The following MFSD8 variants were observed in gnomAD, a reference collection of about 807,000 sequenced individuals.
MFSD8 encodes the protein major facilitator superfamily domain containing 8.
Under a neutral mutation model 66.4 loss-of-function variants are expected in MFSD8, and 55 were observed. The observed-to-expected ratio is 0.83, with a 90% CI of 0.67 to 1.04. MFSD8 has a LOEUF of 1.04. Ranked by LOEUF, MFSD8 falls within the 50% of genes least tolerant of loss-of-function variation. MFSD8 has a pLI of 0.00. For synonymous variants in MFSD8, 202 were observed against 212.8 expected, an observed-to-expected ratio of 0.95 and a Z score of 0.44; for missense variants, 550 against 627.6, an observed-to-expected ratio of 0.88 and a Z score of 1.32.
Position 127,943,994 on chromosome 4 carries a change from T to G in MFSD8, c.199-2A>C. On this transcript the variant is annotated splice_acceptor_variant, in intron 3 of 11. Transcript: ENST00000641686. LOFTEE classifies it high-confidence loss of function. Reference sequence around the variant, plus strand: ...ACTTGTATCAGCTGTCGGATCAATCTGCAGAAAAAGGTACAGTGCTTTAAG... The same window carrying G: ...ACTTGTATCAGCTGTCGGATCAATCGGCAGAAAAAGGTACAGTGCTTTAAG... 3 of 1,614,170 alleles carry G rather than the reference T, an allele frequency of 1.9e-6. No homozygotes were observed. Among genetic ancestry groups the G allele is most frequent in the Non-Finnish European group, 2.5e-6 (3 of 1,180,022 alleles).
chr4:127,950,279 A>G (rs1741726089), intron 2 of MFSD8, among the ~76,000 whole-genome samples: 1 of 152,248 alleles, frequency 6.6e-6, no homozygotes, highest in African/African-American at 2.4e-5. Flanking sequence ...CAGGGGGGCT[A>G]TAGAAAACCA....
At chr4:127,923,551 A>ATTT (rs1251910972) in intron 9 of MFSD8, among the ~76,000 whole-genome samples, 237 of 100,272 alleles carry the variant, frequency 2.4e-3, no homozygotes, top group African/African-American at 6.9e-3. Context: ...TTTTATTTTT[A>ATTT]TTTATTATTA....
intron 8 of MFSD8, 150 bp from the exon 9 acceptor site, chr4:127,930,967 C>T (rs1738024680): frequency 1.0e-5 from 7 of 697,316 alleles, no homozygotes; most frequent in Non-Finnish European, 1.6e-5. Context: ...AGTTTGAACA[C>T]ATTTTAAGCG....
chr4:127,927,199 T>C (rs913086054), intron 9 of MFSD8, among the ~76,000 whole-genome samples: 5 of 152,166 alleles, frequency 3.3e-5, no homozygotes, highest in African/African-American at 1.2e-4. Flanking sequence ...TTTTTCGCTT[T>C]TTTTGAGATG....
In MFSD8 at chr4:127,920,058, G is replaced by A. The variant is rs1045101191; in HGVS notation, c.*572C>T. 6.2e-6 allele frequency: 1 copy of A among 160,716 alleles called. No individual in the cohort carries two copies. Among genetic ancestry groups the A allele is most frequent in the African/African-American group, 2.4e-5 (1 of 41,470 alleles). 10.0% of individuals were successfully genotyped at this position (160,716 alleles called of 1,614,324 possible). A position where few individuals can be genotyped will look rare whatever the true frequency, so the allele number is the denominator to read the frequency against. On this transcript the variant is annotated 3_prime_UTR_variant, in exon 12 of 12. Transcript: ENST00000641686. ...AAAATAAGGCAGAGGTGTAGTATTA[G>A]AAGAAAGACTCATAGAAGGCAAGGT...
intron 6 of MFSD8, chr4:127,939,479 A>C (rs1278441170): frequency 5.8e-6 from 1 of 173,768 alleles, no homozygotes; most frequent in Non-Finnish European, 1.2e-5. Context: ...GTTGGCATGC[A>C]CCTGTAGCCC....
At chr4:127,925,635 T>C (rs1737075974) in intron 9 of MFSD8, among the ~76,000 whole-genome samples, 1 of 152,328 alleles carries the variant, frequency 6.6e-6, no homozygotes, top group Middle Eastern at 3.4e-3. Flanking sequence ...CTTTACACTG[T>C]TGGTGGGAGT....
At chr4:127,929,044 G>A (rs1013206490) in intron 9 of MFSD8, among the ~76,000 whole-genome samples, 5 of 151,920 alleles carry the variant, frequency 3.3e-5, no homozygotes, top group African/African-American at 7.3e-5. Context: ...ATCTCAGGTC[G>A]GCAGCGGTGG....
chr4:127,965,005 C>T, intron 1 of MFSD8, 67 bp downstream of exon 1: 15 of 1,569,396 alleles, frequency 9.6e-6, no homozygotes, highest in Non-Finnish European at 1.3e-5. Flanking sequence ...GTGCGGGTGA[C>T]GCCCGGAAAG....
intron 1 of MFSD8, among the ~76,000 whole-genome samples, chr4:127,964,226 C>T (rs1349534401): frequency 6.6e-6 from 1 of 152,270 alleles, no homozygotes; most frequent in East Asian, 1.9e-4. Flanking sequence ...CAGTCCCGCG[C>T]CGTGCACCCG....
intron 2 of MFSD8, among the ~76,000 whole-genome samples, chr4:127,951,973 C>T (rs11943141): frequency 0.026 from 3,981 of 152,080 alleles, 155 homozygotes; most frequent in African/African-American, 0.091. Flanking sequence ...TGCAATCCGC[C>T]TGCCTCGGCC....
rs191401637 is a variant in MFSD8 at position 127,931,176 on chromosome 4, C to A, written c.864-359G>T. On this transcript the variant is annotated intron_variant, in intron 8 of 11. Coordinates refer to ENST00000641686, the MANE Select transcript of MFSD8 (RefSeq NM_001371596.2). ...GTTATATTTTTAATTAAATTGGTCT[C>A]TTTCAATGCAATAATGTTATATTAA... is the stretch of plus-strand genomic sequence containing the variant. 1.1e-3 allele frequency among the ~76,000 whole-genome samples: 173 copies of A among 152,188 alleles called. 1 individual carries two copies. Among genetic ancestry groups the A allele is most frequent in the Non-Finnish European group, 3.5e-4 (24 of 68,002 alleles).
chr4:127,965,426 T>G, upstream of MFSD8: 4 of 552,202 alleles, frequency 7.2e-6, no homozygotes, highest in Non-Finnish European at 1.3e-5. Context: ...GCCGCCCTGC[T>G]CCGGGTTTGT....
intron 8 of MFSD8, among the ~76,000 whole-genome samples, chr4:127,931,054 T>G (rs1738035941): frequency 6.6e-6 from 1 of 152,136 alleles, no homozygotes; most frequent in South Asian, 2.1e-4. Flanking sequence ...ATTATATAAC[T>G]AATATAGCCA....
chr4:127,964,171 T>G (rs1481064047), intron 1 of MFSD8, among the ~76,000 whole-genome samples: 1 of 152,236 alleles, frequency 6.6e-6, no homozygotes, highest in Non-Finnish European at 1.5e-5. Context: ...CCAGCTGGCT[T>G]CGCCCAGTGG....
At chr4:127,947,049 G>A (rs1741154834) in intron 3 of MFSD8, among the ~76,000 whole-genome samples, 1 of 152,160 alleles carries the variant, frequency 6.6e-6, no homozygotes, top group Admixed American at 6.5e-5. Flanking sequence ...AGGGAAACGG[G>A]AGTATACAGG....
intron 2 of MFSD8, 143 bp from the exon 3 acceptor site, chr4:127,949,990 A>T: frequency 1.6e-6 from 1 of 613,634 alleles, no homozygotes; most frequent in East Asian, 3.0e-5. Context: ...TGAGGCAATG[A>T]GATTTTAATT....
At position 127,942,636 on chromosome 4, in the gene MFSD8, C is replaced by T. The variant is rs533807938; in HGVS notation, c.440-478G>A. 7.1e-4 allele frequency among the ~76,000 whole-genome samples: 106 copies of T among 149,766 alleles called. 1 individual carries two copies. Among genetic ancestry groups the T allele is most frequent in the Admixed American group, 4.6e-3 (69 of 14,980 alleles). ...CTGAGGTTGCAATGAGCCAAGATCA[C>T]GCCACTGCACTCTAGCCTGGGCAAC... is the stretch of plus-strand genomic sequence containing the variant. On this transcript the variant is annotated intron_variant, in intron 4 of 11. Coordinates refer to ENST00000641686, the MANE Select transcript of MFSD8 (RefSeq NM_001371596.2).
chr4:127,924,699 C>T (rs1453464831), intron 9 of MFSD8, among the ~76,000 whole-genome samples: 2 of 152,190 alleles, frequency 1.3e-5, no homozygotes, highest in Non-Finnish European at 2.9e-5. Context: ...CTATCCCCAT[C>T]AAGCTACCAT....
Sources: allele counts gnomAD v4.1 joint callset (sites outside exome capture counted in the v4.1 genomes callset), GRCh38; gene constraint gnomAD v4.1.1; transcripts MANE v1.5; gene names NCBI Gene and HGNC (gene_info 2026-07-23, HGNC 2026-07-21).